Variants in PAH observed in about 807,000 individuals in gnomAD.
PAH encodes phenylalanine hydroxylase, also known as phenylalanine-4-hydroxylase.
Under a neutral mutation model 62.0 loss-of-function variants are expected in PAH, and 64 were observed. That is an observed-to-expected ratio of 1.03 (90% CI 0.84 to 1.27). PAH has a LOEUF of 1.27. Among genes scored for constraint, PAH ranks in the 50% most tolerant of loss-of-function variants. The probability of loss-of-function intolerance (pLI) is 0.00; values close to 1 mark genes in which losing one functional copy is unlikely to be tolerated. For missense variants in PAH, 579 were observed against 542.8 expected (o/e 1.07, Z -0.66); for synonymous variants, 195 against 196.2 (o/e 0.99, Z 0.05).
At chr12:102,926,698 G>A (rs1341014670) in intron 1 of PAH, among the ~76,000 whole-genome samples, 2 of 151,992 alleles carry the variant, frequency 1.3e-5, no homozygotes, top group African/African-American at 4.8e-5. Context: ...ACAAAATTAT[G>A]TAAATTTGTG....
chr12:102,894,226 A>G (rs1352038454), intron 3 of PAH, among the ~76,000 whole-genome samples: 1 of 152,096 alleles, frequency 6.6e-6, no homozygotes, highest in Non-Finnish European at 1.5e-5. Context: ...GCTTGCTTTC[A>G]TGGGTTTTGT....
rs199475682 is a variant in PAH, at chr12:102,851,749, A to G, written c.850T>C (p.Cys284Arg). 1 of 1,614,000 alleles carries G rather than the reference A, an allele frequency of 6.2e-7. No individual in the cohort carries two copies. Among genetic ancestry groups the G allele is most frequent in the Non-Finnish European group, 8.5e-7 (1 of 1,179,850 alleles). The change falls in exon 8 of 13, where the codon TGC becomes CGC. Residue 284 changes from cysteine to arginine, a missense_variant. Cys to Arg is a radical substitution (Grantham distance 180). Coordinates refer to ENST00000553106, the MANE Select transcript of PAH (RefSeq NM_000277.3). Reference protein sequence around the residue: ...KPMYTPEPDICHELLGHVPLF... With the variant: ...KPMYTPEPDIRHELLGHVPLF... ...GGCACATGTCCCAACAGCTCATGGCAGATGTCACTGAAAGACAGAAAGCAC... is the reference window on the plus strand; with the variant it reads ...GGCACATGTCCCAACAGCTCATGGCGGATGTCACTGAAAGACAGAAAGCAC...
intron 2 of PAH, among the ~76,000 whole-genome samples, chr12:102,898,679 TA>T (rs975871564): frequency 6.6e-6 from 1 of 152,138 alleles, no homozygotes; most frequent in African/African-American, 2.4e-5. Context: ...AAGGGAGACA[TA>T]AAAAAATAAA....
chr12:102,951,061 G>A (rs190703122), upstream of PAH, among the ~76,000 whole-genome samples: 2 of 150,180 alleles, frequency 1.3e-5, no homozygotes, highest in Non-Finnish European at 3.0e-5. Flanking sequence ...TTGTGCGTGG[G>A]GGGGGAAGCA....
intron 2 of PAH, 27 bp from the exon 3 acceptor site, chr12:102,894,945 G>C: frequency 3.2e-6 from 5 of 1,585,612 alleles, no homozygotes; most frequent in Non-Finnish European, 4.3e-6. Flanking sequence ...GGAGGGTGAG[G>C]AGACAGTCAC....
intron 3 of PAH, among the ~76,000 whole-genome samples, chr12:102,882,305 C>A (rs1222144729): frequency 6.6e-6 from 1 of 152,096 alleles, no homozygotes; most frequent in Non-Finnish European, 1.5e-5. Context: ...AATAGTCAGT[C>A]CAGCAATGGT....
At chr12:102,902,054 T>C (rs1036578951) in intron 2 of PAH, among the ~76,000 whole-genome samples, 1 of 152,222 alleles carries the variant, frequency 6.6e-6, no homozygotes, top group African/African-American at 2.4e-5. Context: ...GGCTACACCA[T>C]TGTGCATGGG....
intron 2 of PAH, among the ~76,000 whole-genome samples, chr12:102,896,584 G>T (rs959483925): frequency 2.0e-5 from 3 of 152,200 alleles, no homozygotes; most frequent in African/African-American, 7.2e-5. Flanking sequence ...TGTCTATGTT[G>T]GTGGGAGTGG....
At chr12:102,897,465 G>GTATATATATATATATA (rs376902236) in intron 2 of PAH, among the ~76,000 whole-genome samples, 4 of 93,946 alleles carry the variant, frequency 4.3e-5, no homozygotes, top group Non-Finnish European at 7.1e-5. Context: ...GTGTGTGTGT[G>GTATATATATATATATA]TATATATATA....
intron 1 of PAH, among the ~76,000 whole-genome samples, chr12:102,949,457 G>C (rs1879649333): frequency 6.6e-6 from 1 of 152,198 alleles, no homozygotes; most frequent in African/African-American, 2.4e-5. Flanking sequence ...AGAATCAGAG[G>C]GGAGGCATCT....
At chr12:102,844,548 T>A in intron 9 of PAH, 117 bp from the exon 10 acceptor site, 1 of 678,686 alleles carries the variant, frequency 1.5e-6, no homozygotes, top group Admixed American at 2.2e-5. Flanking sequence ...GGTGTGTCTA[T>A]GTCTATGAGG....
chr12:102,906,096 T>C (rs906381036), intron 2 of PAH, among the ~76,000 whole-genome samples: 1 of 152,168 alleles, frequency 6.6e-6, no homozygotes, highest in African/African-American at 2.4e-5. Context: ...AGACAAATTA[T>C]AAATGTTATG....
chr12:102,871,359 C>T (rs865956249), intron 4 of PAH, among the ~76,000 whole-genome samples: 1 of 152,182 alleles, frequency 6.6e-6, no homozygotes, highest in African/African-American at 2.4e-5. Context: ...ACACCATGCT[C>T]TTTCCCACAT....
chr12:102,864,655 AC>A (rs1469994269), intron 5 of PAH, among the ~76,000 whole-genome samples: 1 of 152,064 alleles, frequency 6.6e-6, no homozygotes, highest in Non-Finnish European at 1.5e-5. Context: ...GCCTTCTTTG[AC>A]CTCAGTTGGA....
intron 3 of PAH, among the ~76,000 whole-genome samples, chr12:102,880,450 G>A (rs886927267): frequency 2.0e-5 from 3 of 152,088 alleles, no homozygotes; most frequent in Non-Finnish European, 4.4e-5. Context: ...TTTCCTCTAT[G>A]TTCAGGACCA....
At chr12:102,893,867 C>A (rs919121694) in intron 3 of PAH, among the ~76,000 whole-genome samples, 3 of 152,178 alleles carry the variant, frequency 2.0e-5, no homozygotes, top group Admixed American at 6.5e-5. Flanking sequence ...ATGTGCAGAG[C>A]ACCTGTGTAC....
At chr12:102,904,882 C>A (rs1877911600) in intron 2 of PAH, 1 of 231,218 alleles carries the variant, frequency 4.3e-6, no homozygotes, top group Non-Finnish European at 9.1e-6. Flanking sequence ...TCAACCCCAG[C>A]TCTTATTGCT....
chr12:102,938,506 T>C (rs2136758454), intron 1 of PAH, among the ~76,000 whole-genome samples: 1 of 152,238 alleles, frequency 6.6e-6, no homozygotes, highest in South Asian at 2.1e-4. Context: ...GTGTCCACAG[T>C]GCTGAGGAAG....
chr12:102,951,270 A>G (rs1235040048), upstream of PAH, among the ~76,000 whole-genome samples: 2 of 152,132 alleles, frequency 1.3e-5, no homozygotes, highest in Non-Finnish European at 2.9e-5. Flanking sequence ...CGGGGGCCGG[A>G]GCACAGAGCC....
Sources: gnomAD v4.1 joint callset for allele counts (sites outside exome capture counted in the v4.1 genomes callset) on GRCh38, gnomAD v4.1.1 for gene constraint, MANE v1.5 for transcripts, NCBI Gene and HGNC (gene_info 2026-07-23, HGNC 2026-07-21) for gene names.